ZMYM2: variants seen among roughly 807,000 people sequenced by gnomAD.
ZMYM2 encodes the protein zinc finger MYM-type containing 2.
ZMYM2 carries 56 observed loss-of-function variants against 162.8 expected under a neutral mutation model. That is an observed-to-expected ratio of 0.34 (90% CI 0.28 to 0.43). The LOEUF is 0.43. Among genes scored for constraint, ZMYM2 ranks in the 20% least tolerant of loss-of-function variants. ZMYM2 has a pLI of 1.00. For synonymous variants in ZMYM2, 510 were observed against 541.6 expected, an observed-to-expected ratio of 0.94 and a Z score of 0.81; for missense variants, 1,275 against 1,621.8, an observed-to-expected ratio of 0.79 and a Z score of 3.67.
intron 14 of ZMYM2, among the ~76,000 whole-genome samples, chr13:20,053,097 A>G (rs192560522): frequency 9.4e-4 from 143 of 152,324 alleles, no homozygotes; most frequent in African/African-American, 3.0e-3. Flanking sequence ...AATGACTACT[A>G]AAGATAAGAG....
rs1339808424 is a variant in ZMYM2, at chr13:20,006,353, TTTTG to T, written c.1300-17_1300-14del. The T allele has an allele frequency of 1.5e-5, 24 of 1,548,956 alleles. No homozygotes were observed. The highest frequency in any genetic ancestry group is 2.4e-5 in the East Asian group (1 of 41,484). ...TGTCAGATTGATCTGTTTTGTAAGA[TTTTG>T]TTTATTTTTCTTTTAGATTCGCCAT... On this transcript the variant is annotated splice_polypyrimidine_tract_variant and intron_variant, in intron 5 of 24. Transcript: ENST00000610343.
At chr13:19,912,292 GT>G in the ZMYM2 span, among the ~76,000 whole-genome samples, 11,149 of 75,828 alleles carry the variant, frequency 0.15, 368 homozygotes, top group Admixed American at 0.21. Context: ...TGTTTTTTGG[GT>G]TTTTTTTTTT....
intron 2 of ZMYM2, among the ~76,000 whole-genome samples, chr13:19,982,803 G>T (rs1039504082): frequency 6.6e-6 from 1 of 152,124 alleles, no homozygotes; most frequent in Non-Finnish European, 1.5e-5. Context: ...TGTGGATTCA[G>T]TGTTTACCTT....
chr13:19,994,624 G>A (rs954594515), intron 3 of ZMYM2, among the ~76,000 whole-genome samples: 1 of 151,770 alleles, frequency 6.6e-6, no homozygotes, highest in African/African-American at 2.4e-5. Flanking sequence ...CAAGCAGCTG[G>A]GATTATAGGC....
chr13:19,921,818 G>A, the ZMYM2 span, among the ~76,000 whole-genome samples: 19 of 152,166 alleles, frequency 1.2e-4, no homozygotes, highest in African/African-American at 4.6e-4. Context: ...AATATAAGTG[G>A]AGAGTTTATT....
intron 18 of ZMYM2, among the ~76,000 whole-genome samples, chr13:20,063,410 A>C (rs1956379279): frequency 6.6e-6 from 1 of 151,024 alleles, no homozygotes; most frequent in African/African-American, 2.4e-5. Flanking sequence ...CTTTAAAAAA[A>C]AAAAAAAAAA....
In ZMYM2 at chr13:20,030,758, T is replaced by C. The variant is rs561792484; in HGVS notation, c.1852-561T>C. Among the ~76,000 whole-genome samples, 32 of 152,092 alleles carry C rather than the reference T, an allele frequency of 2.1e-4. 1 individual carries two copies. The highest frequency in any genetic ancestry group is 4.6e-4 in the Non-Finnish European group (31 of 68,002). On this transcript the variant is annotated intron_variant, in intron 9 of 24. Transcript: ENST00000610343. ...CATGTTGACCAGGCTGGTCTCGAAC[T>C]CCTGACCTTGGGTGATCTGCCCGCC...
chr13:19,915,602 C>G, the ZMYM2 span, among the ~76,000 whole-genome samples: 1 of 151,956 alleles, frequency 6.6e-6, no homozygotes, highest in African/African-American at 2.4e-5. Flanking sequence ...CCCCCGGGTT[C>G]AAGCAATTCT....
the ZMYM2 span, among the ~76,000 whole-genome samples, chr13:19,927,881 T>G: frequency 6.6e-6 from 1 of 152,356 alleles, no homozygotes; most frequent in East Asian, 1.9e-4. Context: ...ATTCACATTT[T>G]CCTGACTAGT....
chr13:19,908,490 T>G, the ZMYM2 span, among the ~76,000 whole-genome samples: 1 of 152,152 alleles, frequency 6.6e-6, no homozygotes. Flanking sequence ...TCATGTTCAG[T>G]TGTTGCTCTG....
chr13:19,951,866 C>T, the ZMYM2 span, among the ~76,000 whole-genome samples: 1 of 152,098 alleles, frequency 6.6e-6, no homozygotes, highest in African/African-American at 2.4e-5. Flanking sequence ...ACCATGTGAT[C>T]CAGTAATCCC....
rs1413217731 is a variant in ZMYM2 at position 20,062,920 on chromosome 13, C to G, written c.2986C>G (p.Pro996Ala). The G allele has an allele frequency of 2.5e-6, 4 of 1,603,466 alleles. No individual in the cohort carries two copies. The African/African-American group carries it at 4.0e-5, about 16-fold the overall frequency. ...TGACCCAGAGACACAGTCCAGCATG[C>G]CTGATGTACCATATGAACCAGATTT... ...NSDPETQSSMPDVPYEPDLDI... is the reference protein window; with the variant it reads ...NSDPETQSSMADVPYEPDLDI... The change falls in exon 18 of 25, where the codon CCT becomes GCT. Residue 996 changes from proline (P) to alanine (A), a missense_variant. Around this residue, in one of 10 missense-constraint regions of ZMYM2, gnomAD observed 229 missense variants for 283.8 expected, o/e 0.81. Transcript: ENST00000610343.
chr13:20,030,232 C>CTTT (rs772819839), intron 9 of ZMYM2, among the ~76,000 whole-genome samples: 1 of 140,684 alleles, frequency 7.1e-6, no homozygotes, highest in Admixed American at 7.1e-5. Context: ...TTCTTTTCCT[C>CTTT]TTTTTTTTTT....
chr13:19,883,212 G>A, the ZMYM2 span, among the ~76,000 whole-genome samples: 5 of 152,284 alleles, frequency 3.3e-5, no homozygotes, highest in Middle Eastern at 3.4e-3. Context: ...ATAGAGACAG[G>A]AACCAGATAG....
chr13:19,986,274 T>C (rs1041460748), intron 2 of ZMYM2, among the ~76,000 whole-genome samples: 14 of 151,724 alleles, frequency 9.2e-5, no homozygotes, highest in African/African-American at 2.7e-4. Flanking sequence ...AGCACACACC[T>C]ATAGTCCTAG....
chr13:19,978,709 C>T (rs1353537324), intron 2 of ZMYM2, among the ~76,000 whole-genome samples: 1 of 152,116 alleles, frequency 6.6e-6, no homozygotes, highest in East Asian at 1.9e-4. Flanking sequence ...GCCACCGTTC[C>T]CAGCCTAAAA....
At chr13:19,969,826 T>A (rs1956149228) in intron 2 of ZMYM2, among the ~76,000 whole-genome samples, 1 of 152,266 alleles carries the variant, frequency 6.6e-6, no homozygotes, top group Non-Finnish European at 1.5e-5. Context: ...TTTTCTTTTT[T>A]AAAGCAATCT....
intron 10 of ZMYM2, among the ~76,000 whole-genome samples, chr13:20,033,217 G>A (rs1242783837): frequency 6.6e-6 from 1 of 151,982 alleles, no homozygotes; most frequent in Non-Finnish European, 1.5e-5. Context: ...TGCATACACT[G>A]AATTTTGATA....
At chr13:19,980,471 G>C (rs907792030) in intron 2 of ZMYM2, among the ~76,000 whole-genome samples, 1 of 151,520 alleles carries the variant, frequency 6.6e-6, no homozygotes, top group Non-Finnish European at 1.5e-5. Context: ...CCTGTTCTTG[G>C]CTGGGCGTCA....
Sources: allele counts gnomAD v4.1 joint callset (sites outside exome capture counted in the v4.1 genomes callset), GRCh38; gene constraint gnomAD v4.1.1; regional missense constraint gnomAD v4.1.1; transcripts MANE v1.5; gene names NCBI Gene and HGNC (gene_info 2026-07-23, HGNC 2026-07-21).